KCNIP4: variants seen among roughly 807,000 people sequenced by gnomAD.
The protein encoded by KCNIP4 is potassium voltage-gated channel interacting protein 4, also known as Kv channel-interacting protein 4.
A neutral mutation model predicts 34.0 loss-of-function variants in KCNIP4; 12 were observed. The observed-to-expected ratio is 0.35, with a 90% confidence interval of 0.23 to 0.57. The LOEUF is 0.57. Ranked by LOEUF, KCNIP4 falls within the 20% of genes least tolerant of loss-of-function variation. The pLI is 0.83. For missense variants in KCNIP4, 238 were observed against 311.7 expected, an observed-to-expected ratio of 0.76 and a Z score of 1.78; for synonymous variants, 124 against 102.2, an observed-to-expected ratio of 1.21 and a Z score of -1.29.
intron 1 of KCNIP4, among the ~76,000 whole-genome samples, chr4:21,082,865 T>TTCTA (rs71182707): frequency 0.4 from 59,622 of 147,502 alleles, 12,174 homozygotes; most frequent in East Asian, 0.44. Context: ...TGCCAGGTTA[T>TTCTA]TCTATCTATC....
At chr4:21,290,622 A>C (rs1314781279) in intron 1 of KCNIP4, among the ~76,000 whole-genome samples, 2 of 152,210 alleles carry the variant, frequency 1.3e-5, no homozygotes, top group Non-Finnish European at 2.9e-5. Context: ...CTTGTGGTGA[A>C]TAGATGGGAG....
intron 3 of KCNIP4, among the ~76,000 whole-genome samples, chr4:20,837,985 C>T (rs192874450): frequency 1.7e-4 from 26 of 151,878 alleles, no homozygotes; most frequent in South Asian, 6.3e-4. Flanking sequence ...ACACCACGCC[C>T]GGCCTCAGTG....
chr4:21,838,042 T>G (rs575893300), intron 1 of KCNIP4, among the ~76,000 whole-genome samples: 43 of 152,276 alleles, frequency 2.8e-4, no homozygotes, highest in African/African-American at 8.9e-4. Flanking sequence ...TTAAAAGCTA[T>G]AAAATATTAA....
Position 20,755,649 on chromosome 4 carries a change from C to T in KCNIP4, c.358+3172G>A, listed in dbSNP as rs140484876. Among the ~76,000 whole-genome samples the T allele has an allele frequency of 2.2e-4, 34 of 152,076 alleles. No homozygotes were observed. In the East Asian group the frequency reaches 6.6e-3, roughly 29 times the overall value. On this transcript the variant is annotated intron_variant, in intron 4 of 8. Coordinates refer to ENST00000382152, the MANE Select transcript of KCNIP4 (RefSeq NM_025221.6). ...GATTGTCTCGAGTGCCGAAAAGAGACATAAAGCAGGGGAAGGGGATGGGGA... is the reference window on the plus strand; with the variant it reads ...GATTGTCTCGAGTGCCGAAAAGAGATATAAAGCAGGGGAAGGGGATGGGGA...
chr4:21,712,340 G>A (rs1218003224), intron 1 of KCNIP4, among the ~76,000 whole-genome samples: 1 of 152,178 alleles, frequency 6.6e-6, no homozygotes, highest in Non-Finnish European at 1.5e-5. Context: ...TGTAAGCTGG[G>A]TTCAGTCTAC....
intron 1 of KCNIP4, among the ~76,000 whole-genome samples, chr4:21,563,204 T>C (rs2109036282): frequency 6.6e-6 from 1 of 152,150 alleles, no homozygotes; most frequent in South Asian, 2.1e-4. Flanking sequence ...TTTGTATATA[T>C]TGGCAGAAGG....
chr4:21,203,933 C>T (rs1756670638), intron 1 of KCNIP4, among the ~76,000 whole-genome samples: 1 of 152,076 alleles, frequency 6.6e-6, no homozygotes, highest in African/African-American at 2.4e-5. Context: ...TCTCTTTTTC[C>T]CCTTCTCCGT....
At chr4:21,878,353 G>C (rs1479014388) in intron 1 of KCNIP4, among the ~76,000 whole-genome samples, 1 of 152,162 alleles carries the variant, frequency 6.6e-6, no homozygotes, top group Non-Finnish European at 1.5e-5. Flanking sequence ...TGGGATTACA[G>C]GCATGAGCCA....
chr4:20,728,716 A>G lies in KCNIP4; in HGVS notation c.*1366T>C, dbSNP rs937453824. The G allele has an allele frequency of 3.3e-5, 5 of 152,624 alleles. No individual in the cohort carries two copies. Among genetic ancestry groups the G allele is most frequent in the African/African-American group, 1.2e-4 (5 of 41,444 alleles). The allele number at this position is 152,624 out of a possible 1,614,324, so 9.5% of individuals were successfully genotyped here. On this transcript the variant is annotated 3_prime_UTR_variant, in exon 9 of 9. Transcript: ENST00000382152. ...GCAAATTTCAGTGTACATGTATTGT[A>G]CTACTCTTAATTTCTACACTGGTGA... is the stretch of plus-strand genomic sequence containing the variant.
At chr4:21,393,598 A>G (rs112851852) in intron 1 of KCNIP4, among the ~76,000 whole-genome samples, 2 of 152,286 alleles carry the variant, frequency 1.3e-5, no homozygotes, top group Non-Finnish European at 2.9e-5. Flanking sequence ...ACGCAAAACA[A>G]ATTTGTTTTA....
intron 1 of KCNIP4, among the ~76,000 whole-genome samples, chr4:20,959,427 G>A (rs1733637411): frequency 6.6e-6 from 1 of 152,148 alleles, no homozygotes; most frequent in South Asian, 2.1e-4. Flanking sequence ...GCCCCAAAAT[G>A]CTAAAATTGT....
intron 1 of KCNIP4, among the ~76,000 whole-genome samples, chr4:21,745,995 G>T (rs1446442175): frequency 6.6e-6 from 1 of 152,124 alleles, no homozygotes; most frequent in African/African-American, 2.4e-5. Flanking sequence ...CTGGAGGCTA[G>T]ATGTCCTAGA....
At chr4:21,423,576 T>A (rs1286981554) in intron 1 of KCNIP4, among the ~76,000 whole-genome samples, 1 of 152,172 alleles carries the variant, frequency 6.6e-6, no homozygotes, top group Non-Finnish European at 1.5e-5. Context: ...TTCTAACATG[T>A]CCTCTTAACT....
chr4:21,568,388 T>C (rs1252479005), intron 1 of KCNIP4, among the ~76,000 whole-genome samples: 1 of 152,050 alleles, frequency 6.6e-6, no homozygotes, highest in East Asian at 1.9e-4. Context: ...AACCTGATGG[T>C]TGATATTGAG....
rs1299478023 is a variant in KCNIP4 at position 20,916,986 on chromosome 4, TATATATATATATATATATATA to T, written c.62-34298_62-34278del. ...CTTCCACCATTGACCATCTTATGTTTATATATATATATATATATATATATATATATATATATATATATATAT... is the reference window on the plus strand; with the variant it reads ...CTTCCACCATTGACCATCTTATGTTTTATATATATATATATATATATATAT... On this transcript the variant is annotated intron_variant, in intron 1 of 8. Transcript: ENST00000382152. Among the ~76,000 whole-genome samples the T allele has an allele frequency of 4.6e-4, 36 of 78,894 alleles. 1 individual carries two copies. Among genetic ancestry groups the T allele is most frequent in the African/African-American group, 1.2e-3 (23 of 19,654 alleles). The allele number at this position is 78,894 out of a possible 152,430, so 51.8% of individuals were successfully genotyped here. A position where few individuals can be genotyped will look rare whatever the true frequency, so the allele number is the denominator to read the frequency against.
intron 1 of KCNIP4, among the ~76,000 whole-genome samples, chr4:21,558,448 C>T (rs556900858): frequency 1.1e-4 from 16 of 148,572 alleles, no homozygotes; most frequent in African/African-American, 2.2e-4. Context: ...GCTGAGCTCA[C>T]GCCACTACAC....
At chr4:20,846,256 TCTAA>T (rs1289363150) in intron 3 of KCNIP4, among the ~76,000 whole-genome samples, 1 of 152,108 alleles carries the variant, frequency 6.6e-6, no homozygotes, top group East Asian at 1.9e-4. Context: ...AGCATAGAGG[TCTAA>T]CTATTTGCAA....
At chr4:21,742,411 T>C (rs1367833833) in intron 1 of KCNIP4, among the ~76,000 whole-genome samples, 1 of 152,224 alleles carries the variant, frequency 6.6e-6, no homozygotes, top group African/African-American at 2.4e-5. Flanking sequence ...TTTAGCTCCC[T>C]ACATGGATTT....
At position 21,240,546 on chromosome 4, in the gene KCNIP4, C is replaced by T. The variant is rs182215120; in HGVS notation, c.62-357837G>A. ...GTTACTCAGGCAAATAATTTTTTCA[C>T]CAGCAATTTTCCCATCCCCTTTAGT... On this transcript the variant is annotated intron_variant, in intron 1 of 8. Transcript: ENST00000382152. Among the ~76,000 whole-genome samples the T allele has an allele frequency of 1.4e-3, 212 of 152,194 alleles. 1 individual carries two copies. The highest frequency in any genetic ancestry group is 4.7e-3 in the African/African-American group (197 of 41,536).
Sources: gnomAD v4.1 joint callset for allele counts (sites outside exome capture counted in the v4.1 genomes callset) on GRCh38, gnomAD v4.1.1 for gene constraint, MANE v1.5 for transcripts, NCBI Gene and HGNC (gene_info 2026-07-23, HGNC 2026-07-21) for gene names.